Variants in PLD5 observed in about 807,000 individuals in gnomAD.
PLD5 encodes the protein inactive phospholipase D5.
A neutral mutation model predicts 61.1 loss-of-function variants in PLD5; 36 were observed. The ratio of observed to expected loss-of-function variants is 0.59; its 90% confidence interval spans 0.45 to 0.78. The LOEUF (loss-of-function observed/expected upper bound fraction) is 0.78. PLD5 is among the 30% of genes least tolerant of loss of function. PLD5 has a pLI of 0.00. For synonymous variants in PLD5, 243 were observed against 242.8 expected, an observed-to-expected ratio of 1.00 and a Z score of -0.01; for missense variants, 515 against 644.4, an observed-to-expected ratio of 0.80 and a Z score of 2.17.
At chr1:242,392,052 T>C (rs12568547) in intron 1 of PLD5, among the ~76,000 whole-genome samples, 11,821 of 152,206 alleles carry the variant, frequency 0.078, 489 homozygotes, top group South Asian at 0.16. Context: ...ACAGTACATA[T>C]AGAACATGGA....
rs1659497710 is a variant in PLD5 at position 242,086,785 on chromosome 1, G to GT, written c.*3068dup. ...ATAAGGCACTAAGTTAGTGTTAGTG[G>GT]TACTGAAATCCAAGATATAGTCTCT... On this transcript the variant is annotated 3_prime_UTR_variant, in exon 10 of 10. Coordinates refer to ENST00000536534, the MANE Select transcript of PLD5 (RefSeq NM_001372062.1). 1 of 152,150 alleles carries GT rather than the reference G, an allele frequency of 6.6e-6. No homozygotes were observed. The highest frequency in any genetic ancestry group is 6.5e-5 in the Admixed American group (1 of 15,282). 9.4% of individuals were successfully genotyped at this position (152,150 alleles called of 1,614,324 possible).
At chr1:242,141,526 T>G (rs184818163) in intron 5 of PLD5, among the ~76,000 whole-genome samples, 8 of 152,346 alleles carry the variant, frequency 5.3e-5, no homozygotes, top group Admixed American at 5.2e-4. Context: ...GGGACTGGTC[T>G]TGACCTCCTC....
chr1:242,411,610 A>G lies in PLD5; in HGVS notation c.190-63368T>C, dbSNP rs56317645. ...CCCTAATATGGGGCATAAATTCTGT[A>G]TAATACATTTTAGGAATTTTATAGG... On this transcript the variant is annotated intron_variant, in intron 1 of 9. Coordinates refer to ENST00000536534, the MANE Select transcript of PLD5 (RefSeq NM_001372062.1). Among the ~76,000 whole-genome samples, 1,087 of 152,348 alleles carry G rather than the reference A, an allele frequency of 7.1e-3. 6 individuals carry two copies. The highest frequency in any genetic ancestry group is 0.01 in the Non-Finnish European group (713 of 68,034).
chr1:242,529,704 G>C, the PLD5 span, among the ~76,000 whole-genome samples: 1 of 152,158 alleles, frequency 6.6e-6, no homozygotes, highest in Admixed American at 6.5e-5. Context: ...GATCCTGGTA[G>C]AGTGGGTTTA....
intron 1 of PLD5, among the ~76,000 whole-genome samples, chr1:242,502,839 T>C (rs1183886292): frequency 6.6e-6 from 1 of 152,060 alleles, no homozygotes; most frequent in Non-Finnish European, 1.5e-5. Context: ...GGTGGGCGGA[T>C]CACCTGAGGT....
upstream of PLD5, among the ~76,000 whole-genome samples, chr1:242,526,387 T>G (rs11589174): frequency 0.1 from 15,968 of 152,186 alleles, 988 homozygotes; most frequent in East Asian, 0.15. Flanking sequence ...GAGGTGAGGC[T>G]GTGAAAACTA....
chr1:242,278,021 T>C (rs1420667846), intron 3 of PLD5, among the ~76,000 whole-genome samples: 2 of 152,226 alleles, frequency 1.3e-5, no homozygotes, highest in Non-Finnish European at 2.9e-5. Context: ...ATTCTTTTTA[T>C]ATAATATGAG....
At chr1:242,514,190 G>A (rs1363461462) in intron 1 of PLD5, among the ~76,000 whole-genome samples, 2 of 152,176 alleles carry the variant, frequency 1.3e-5, no homozygotes, top group Non-Finnish European at 2.9e-5. Flanking sequence ...CATTGTGGGT[G>A]TTTTTACACC....
intron 1 of PLD5, among the ~76,000 whole-genome samples, chr1:242,395,037 G>GAA (rs1354501458): frequency 4.2e-5 from 2 of 47,856 alleles, no homozygotes; most frequent in South Asian, 7.1e-4. Context: ...ATATATGAAT[G>GAA]TATATGTATA....
In PLD5 at chr1:242,256,871, C is replaced by CTTT. The variant is rs1553337308; in HGVS notation, c.607+8463_607+8465dup. Among the ~76,000 whole-genome samples, 1 of 150,198 alleles carries CTTT rather than the reference C, an allele frequency of 6.7e-6. No individual in the cohort carries two copies. Among genetic ancestry groups the CTTT allele is most frequent in the African/African-American group, 2.4e-5 (1 of 40,862 alleles). On this transcript the variant is annotated intron_variant, in intron 4 of 9. Transcript: ENST00000536534. This position sits in a 1 kb window ranked among gnomAD's most constrained non-coding sequence, Gnocchi z 5.7. The stretch of plus-strand genomic sequence containing the variant: ...TATCTGCCATCTATCTTCCTATCTT[C>CTTT]TTTCTTTTCTCTCCCTCTTCTTTCT...
intron 4 of PLD5, 68 bp downstream of exon 4, chr1:242,265,269 T>G: frequency 6.6e-7 from 1 of 1,523,736 alleles, no homozygotes; most frequent in African/African-American, 1.4e-5. Flanking sequence ...ATATATTATT[T>G]TAAGTGAAAT....
chr1:242,112,301 G>A (rs994908854), intron 7 of PLD5, among the ~76,000 whole-genome samples: 22 of 102,938 alleles, frequency 2.1e-4, no homozygotes, highest in African/African-American at 3.3e-4. Flanking sequence ...GTGTGTGTGT[G>A]TGTGTGTGTG....
chr1:242,122,115 A>G lies in PLD5; in HGVS notation c.933+2353T>C, dbSNP rs550249395. Among the ~76,000 whole-genome samples the G allele has an allele frequency of 5.3e-4, 80 of 152,354 alleles. 3 individuals carry two copies. The South Asian group carries it at 0.016, about 30-fold the overall frequency. ...TTAAACAAAAGAAAAGGTATTACAC[A>G]GTTTAAAAAACTACCCAAAGAAATG... On this transcript the variant is annotated intron_variant, in intron 6 of 9. Transcript: ENST00000536534.
intron 1 of PLD5, among the ~76,000 whole-genome samples, chr1:242,462,271 G>T (rs756294451): frequency 1.1e-4 from 16 of 152,156 alleles, no homozygotes; most frequent in African/African-American, 3.9e-4. Context: ...TACAGAAAAT[G>T]TGGCACATAT....
intron 2 of PLD5, among the ~76,000 whole-genome samples, chr1:242,326,951 C>A (rs1404671349): frequency 1.3e-5 from 2 of 151,798 alleles, no homozygotes; most frequent in Non-Finnish European, 2.9e-5. Flanking sequence ...CTGCAACCTC[C>A]GCCTCCCAGA....
intron 4 of PLD5, among the ~76,000 whole-genome samples, chr1:242,257,221 C>G (rs1259238474): frequency 6.6e-6 from 1 of 151,990 alleles, no homozygotes; most frequent in Non-Finnish European, 1.5e-5. Context: ...TCTGGCAAAA[C>G]AAAACAAAAC....
chr1:242,471,996 A>G (rs563866154), intron 1 of PLD5, among the ~76,000 whole-genome samples: 7 of 152,202 alleles, frequency 4.6e-5, no homozygotes, highest in African/African-American at 1.7e-4. Context: ...AAATTAAGGG[A>G]CTCTGGGAGA....
At chr1:242,183,762 C>A (rs575723241) in intron 5 of PLD5, among the ~76,000 whole-genome samples, 86 of 145,662 alleles carry the variant, frequency 5.9e-4, no homozygotes, top group Admixed American at 1.3e-3. Flanking sequence ...GGCGTGGTGG[C>A]GGGCCCCTGT....
intron 5 of PLD5, among the ~76,000 whole-genome samples, chr1:242,128,081 G>A (rs1662936760): frequency 6.6e-6 from 1 of 152,158 alleles, no homozygotes; most frequent in Non-Finnish European, 1.5e-5. Context: ...TTTAAAGTCA[G>A]GCATGGGAGG....
Sources: gnomAD v4.1 joint callset for allele counts (sites outside exome capture counted in the v4.1 genomes callset) on GRCh38, gnomAD v4.1.1 for gene constraint, Gnocchi (gnomAD v3.1) non-coding constraint, MANE v1.5 for transcripts, NCBI Gene and HGNC (gene_info 2026-07-23, HGNC 2026-07-21) for gene names.